Variants in RAPGEF2 observed in about 807,000 individuals in gnomAD.
RAPGEF2 encodes the protein PDZ domain containing guanine nucleotide exchange factor (GEF) 1.
In RAPGEF2, 54 loss-of-function variants were observed where a neutral mutation model predicts 186.7. The observed-to-expected ratio is 0.29, with a 90% confidence interval of 0.23 to 0.36. The LOEUF (loss-of-function observed/expected upper bound fraction) is 0.36. RAPGEF2 is among the 10% of genes least tolerant of loss of function. RAPGEF2 has a pLI of 1.00. For missense variants in RAPGEF2, 1,532 were observed against 2,045.0 expected, an observed-to-expected ratio of 0.75 and a Z score of 4.84; for synonymous variants, 712 against 705.9, an observed-to-expected ratio of 1.01 and a Z score of -0.14.
At chr4:159,203,806 T>A (rs28449176) in intron 3 of RAPGEF2, among the ~76,000 whole-genome samples, 2,367 of 152,312 alleles carry the variant, frequency 0.016, 72 homozygotes, top group African/African-American at 0.054. Context: ...TTTGTTACCA[T>A]CATGCAAGGT....
At chr4:159,186,810 A>G (rs1747600102) in intron 2 of RAPGEF2, 98 bp downstream of exon 2, 5 of 655,726 alleles carry the variant, frequency 7.6e-6, no homozygotes, top group Non-Finnish European at 1.3e-5. Context: ...CTTACTTGAC[A>G]TAATAATTGT....
At chr4:159,208,167 C>T (rs28694219) in intron 3 of RAPGEF2, among the ~76,000 whole-genome samples, 1 of 152,036 alleles carries the variant, frequency 6.6e-6, no homozygotes, top group East Asian at 1.9e-4. Flanking sequence ...ACTGCTGATT[C>T]ACTTTGGAAG....
intron 1 of RAPGEF2, among the ~76,000 whole-genome samples, chr4:159,172,647 C>T (rs957921124): frequency 5.3e-5 from 8 of 152,048 alleles, no homozygotes; most frequent in African/African-American, 9.7e-5. Flanking sequence ...TTGTAATGCA[C>T]GCATGCTACT....
chr4:159,335,191 A>G (rs563647435), intron 17 of RAPGEF2, among the ~76,000 whole-genome samples: 3 of 152,334 alleles, frequency 2.0e-5, no homozygotes, highest in African/African-American at 7.2e-5. Context: ...CAAGGTAGGC[A>G]CAATCGGGTG....
chr4:159,253,555 TATC>T (rs1481965064), intron 7 of RAPGEF2, among the ~76,000 whole-genome samples: 1 of 152,234 alleles, frequency 6.6e-6, no homozygotes, highest in African/African-American at 2.4e-5. Flanking sequence ...AGCAAATTAT[TATC>T]ATCTGTTTTT....
intron 7 of RAPGEF2, among the ~76,000 whole-genome samples, chr4:159,258,649 T>C (rs1450280152): frequency 6.6e-6 from 1 of 152,234 alleles, no homozygotes. Context: ...AATGTATTTG[T>C]TAAATATTAA....
Position 159,358,462 on chromosome 4 carries a change from C to G in RAPGEF2, c.*323C>G, listed in dbSNP as rs1375053554. The G allele has an allele frequency of 1.6e-5, 5 of 320,980 alleles. No individual in the cohort carries two copies. Among genetic ancestry groups the G allele is most frequent in the Non-Finnish European group, 2.3e-5 (4 of 177,640 alleles). The allele number at this position is 320,980 out of a possible 1,614,324, so 19.9% of individuals were successfully genotyped here. ...CCAAGATCATCACAACAAGATGATT[C>G]ACTCTGGCTGCACTTCTCAATGCCT... is the stretch of plus-strand genomic sequence containing the variant. On this transcript the variant is annotated 3_prime_UTR_variant, in exon 30 of 30. Transcript: ENST00000691494.
At chr4:159,344,414 G>A (rs931711450) in intron 23 of RAPGEF2, among the ~76,000 whole-genome samples, 7 of 152,092 alleles carry the variant, frequency 4.6e-5, no homozygotes, top group African/African-American at 1.2e-4. Context: ...GAAAAGTTGT[G>A]CAATTAAAAT....
In RAPGEF2 at chr4:159,103,103, A is replaced by T. The variant is rs1737353822; in HGVS notation, c.-1060A>T. 6.6e-6 allele frequency: 1 copy of T among 152,252 alleles called. No homozygotes were observed. The highest frequency in any genetic ancestry group is 1.5e-5 in the Non-Finnish European group (1 of 68,432). The allele number at this position is 152,252 out of a possible 1,614,324, so 9.4% of individuals were successfully genotyped here. The stretch of plus-strand genomic sequence containing the variant: ...TGAGGAGCGGCTCCGGCGGCCGGAG[A>T]AGGCGCAGGAGGAGGAAGAGGCGGA... On this transcript the variant is annotated 5_prime_UTR_variant, in exon 1 of 30. Coordinates refer to ENST00000691494, the MANE Select transcript of RAPGEF2 (RefSeq NM_001394067.2).
intron 26 of RAPGEF2, chr4:159,352,426 G>C: frequency 2.5e-6 from 1 of 400,992 alleles, no homozygotes; most frequent in South Asian, 3.8e-5. Context: ...GAATAGTTGA[G>C]TGGTGCCTTT....
chr4:159,291,250 G>T (rs115499027), intron 7 of RAPGEF2, among the ~76,000 whole-genome samples: 172 of 152,302 alleles, frequency 1.1e-3, no homozygotes, highest in African/African-American at 3.8e-3. Flanking sequence ...AGTTTCCTGT[G>T]TATGTGTGAA....
chr4:159,126,546 G>T (rs1276097052), intron 1 of RAPGEF2, among the ~76,000 whole-genome samples: 5 of 145,944 alleles, frequency 3.4e-5, no homozygotes, highest in African/African-American at 1.3e-4. Context: ...AAAAAAAAAA[G>T]CCTGATGCCT....
At chr4:159,172,832 T>A (rs74834652) in intron 1 of RAPGEF2, among the ~76,000 whole-genome samples, 1 of 152,160 alleles carries the variant, frequency 6.6e-6, no homozygotes, top group Non-Finnish European at 1.5e-5. Context: ...TACATATTTT[T>A]AAGTCTCTGA....
At chr4:159,139,471 A>G (rs1742080815) in intron 1 of RAPGEF2, among the ~76,000 whole-genome samples, 1 of 152,294 alleles carries the variant, frequency 6.6e-6, no homozygotes, top group South Asian at 2.1e-4. Flanking sequence ...CATTTAAAGC[A>G]TAGAATGAAA....
chr4:159,300,161 T>G (rs935656554), intron 7 of RAPGEF2, among the ~76,000 whole-genome samples: 1 of 151,298 alleles, frequency 6.6e-6, no homozygotes, highest in Non-Finnish European at 1.5e-5. Flanking sequence ...TAATATACTT[T>G]ATGTAAGTAT....
At chr4:159,210,748 T>G (rs1750440132) in intron 4 of RAPGEF2, among the ~76,000 whole-genome samples, 165 bp downstream of exon 4, 1 of 152,246 alleles carries the variant, frequency 6.6e-6, no homozygotes, top group Non-Finnish European at 1.5e-5. Flanking sequence ...AACTTTGTTT[T>G]GTATATACTT....
intron 11 of RAPGEF2, chr4:159,329,032 T>G (rs1378820744): frequency 6.6e-6 from 1 of 152,130 alleles, no homozygotes; most frequent in African/African-American, 2.4e-5. Flanking sequence ...CTTCTTCACA[T>G]TAAAGGAGGA....
Position 159,104,151 on chromosome 4 carries a change from C to T in RAPGEF2, c.-12C>T, listed in dbSNP as rs1353985781. On this transcript the variant is annotated 5_prime_UTR_variant, in exon 1 of 30. Coordinates refer to ENST00000691494, the MANE Select transcript of RAPGEF2 (RefSeq NM_001394067.2). ...GGGTGCGGAGCGGCCCCGGCCCGCTCCCAGAGGGGAGATGGCGTCCTACGT... is the reference window on the plus strand; with the variant it reads ...GGGTGCGGAGCGGCCCCGGCCCGCTTCCAGAGGGGAGATGGCGTCCTACGT... 1.8e-4 allele frequency: 270 copies of T among 1,520,056 alleles called. No individual in the cohort carries two copies. Among genetic ancestry groups the T allele is most frequent in the Non-Finnish European group, 2.3e-4 (258 of 1,138,262 alleles). The allele number at this position is 1,520,056 out of a possible 1,614,324, so 94.2% of individuals were successfully genotyped here. A position where few individuals can be genotyped will look rare whatever the true frequency, so the allele number is the denominator to read the frequency against.
At chr4:159,151,728 A>T (rs571575241) in intron 1 of RAPGEF2, among the ~76,000 whole-genome samples, 2 of 152,262 alleles carry the variant, frequency 1.3e-5, no homozygotes, top group Middle Eastern at 3.4e-3. Context: ...AGTATCAGTG[A>T]TTACTTTGTG....
Sources: gnomAD v4.1 joint callset for allele counts (sites outside exome capture counted in the v4.1 genomes callset) on GRCh38, gnomAD v4.1.1 for gene constraint, MANE v1.5 for transcripts, NCBI Gene and HGNC (gene_info 2026-07-23, HGNC 2026-07-21) for gene names.